Variants in NMT2 observed in about 807,000 individuals in gnomAD.
NMT2 encodes glycylpeptide N-tetradecanoyltransferase 2.
Under a neutral mutation model 65.4 loss-of-function variants are expected in NMT2, and 35 were observed. The observed-to-expected ratio is 0.54, with a 90% CI of 0.41 to 0.71. The LOEUF (loss-of-function observed/expected upper bound fraction) is 0.71, where lower values mean the gene tolerates loss of function less well. Among genes scored for constraint, NMT2 ranks in the 30% least tolerant of loss-of-function variants. The pLI is 0.00. For synonymous variants in NMT2, 226 were observed against 231.8 expected, an observed-to-expected ratio of 0.98 and a Z score of 0.23; for missense variants, 489 against 611.3, an observed-to-expected ratio of 0.80 and a Z score of 2.11.
chr10:15,112,511 G>A (rs1056526308), intron 10 of NMT2, among the ~76,000 whole-genome samples: 3 of 151,528 alleles, frequency 2.0e-5, no homozygotes, highest in African/African-American at 7.3e-5. Context: ...TTACAAGCCT[G>A]AGCCACCATG....
At chr10:15,116,683 AAAAC>A (rs1203465616) in intron 9 of NMT2, among the ~76,000 whole-genome samples, 1 of 152,230 alleles carries the variant, frequency 6.6e-6, no homozygotes, top group African/African-American at 2.4e-5. Context: ...AATATGGACA[AAAAC>A]AAAGAAAGAG....
intron 2 of NMT2, among the ~76,000 whole-genome samples, chr10:15,140,162 C>T (rs943330920): frequency 6.6e-6 from 1 of 151,874 alleles, no homozygotes; most frequent in South Asian, 2.1e-4. Flanking sequence ...TGGTCTCTGT[C>T]GCCAGGCTGC....
At chr10:15,133,191 T>A in intron 4 of NMT2, 47 bp from the exon 5 acceptor site, 1 of 1,600,418 alleles carries the variant, frequency 6.2e-7, no homozygotes, top group South Asian at 1.1e-5. Flanking sequence ...AGAATCAACT[T>A]AGAAGCAATG....
chr10:15,113,463 C>CAAAAAAAAAAAAAAAAAAAA lies in NMT2; in HGVS notation c.1171-520_1171-501dup, dbSNP rs1169255963. Among the ~76,000 whole-genome samples the CAAAAAAAAAAAAAAAAAAAA allele has an allele frequency of 3.0e-4, 11 of 37,002 alleles. 2 individuals carry two copies. The highest frequency in any genetic ancestry group is 9.2e-4 in the African/African-American group (10 of 10,832). 24.3% of individuals were successfully genotyped at this position (37,002 alleles called of 152,430 possible). ...CCAGCCTGGGCGACAGGATGAGACT[C>CAAAAAAAAAAAAAAAAAAAA]AAAAAAAAAAAAAAAAAAAAAAAAA... On this transcript the variant is annotated intron_variant, in intron 9 of 11. Transcript: ENST00000378165.
chr10:15,129,683 A>G (rs1490459023), intron 7 of NMT2, among the ~76,000 whole-genome samples: 1 of 152,092 alleles, frequency 6.6e-6, no homozygotes, highest in African/African-American at 2.4e-5. Flanking sequence ...TTAGAAGTAT[A>G]GATCCACACG....
chr10:15,138,411 C>T, intron 2 of NMT2: 1 of 471,140 alleles, frequency 2.1e-6, no homozygotes, highest in Non-Finnish European at 4.4e-6. Flanking sequence ...TTTCTCATGC[C>T]TGTCCATTCA....
intron 1 of NMT2, among the ~76,000 whole-genome samples, chr10:15,156,669 C>T (rs1357884669): frequency 3.3e-5 from 5 of 152,116 alleles, no homozygotes; most frequent in South Asian, 2.1e-4. Flanking sequence ...GAGGTCGAGG[C>T]GGGAGGATCA....
chr10:15,163,690 G>T (rs909034506), intron 1 of NMT2, among the ~76,000 whole-genome samples: 1 of 152,202 alleles, frequency 6.6e-6, no homozygotes, highest in African/African-American at 2.4e-5. Context: ...TGACAAAGGG[G>T]AAGTTCCCAA....
intron 8 of NMT2, among the ~76,000 whole-genome samples, chr10:15,126,216 G>A (rs966411144): frequency 3.3e-5 from 5 of 151,010 alleles, no homozygotes; most frequent in African/African-American, 4.9e-5. Context: ...ATCACCTGAG[G>A]TCAGGAGTTC....
downstream of NMT2, among the ~76,000 whole-genome samples, chr10:15,105,748 T>C (rs1017931642): frequency 6.6e-6 from 1 of 152,238 alleles, no homozygotes; most frequent in Non-Finnish European, 1.5e-5. Context: ...AATGCAGTTT[T>C]AAATCTACAA....
chr10:15,124,851 C>T (rs1846028849), intron 8 of NMT2, among the ~76,000 whole-genome samples: 1 of 152,170 alleles, frequency 6.6e-6, no homozygotes, highest in Admixed American at 6.5e-5. Context: ...CTTTATTTTC[C>T]TTTCCTTTCC....
chr10:15,131,444 C>G (rs144533644), intron 6 of NMT2, among the ~76,000 whole-genome samples: 3 of 152,098 alleles, frequency 2.0e-5, no homozygotes, highest in Non-Finnish European at 4.4e-5. Context: ...TCACTACGAC[C>G]TGCCCGTCTT....
In NMT2 at chr10:15,106,097, G is replaced by A. The variant is rs550569558; in HGVS notation, c.*3098C>T. The A allele has an allele frequency of 2.5e-4, 80 of 316,624 alleles. No homozygotes were observed. The highest frequency in any genetic ancestry group is 1.8e-3 in the African/African-American group (77 of 43,350). The allele number at this position is 316,624 out of a possible 1,614,324, so 19.6% of individuals were successfully genotyped here. A position where few individuals can be genotyped will look rare whatever the true frequency, so the allele number is the denominator to read the frequency against. On this transcript the variant is annotated 3_prime_UTR_variant, in exon 12 of 12. Coordinates refer to ENST00000378165, the MANE Select transcript of NMT2 (RefSeq NM_004808.3). ...GCAACCCCGCCTCCTGGGTTCAAGC[G>A]ATTCTCCTGCCTCAGCCTCCTGAAT...
intron 8 of NMT2, among the ~76,000 whole-genome samples, chr10:15,126,202 G>C (rs1009101857): frequency 6.6e-6 from 1 of 151,358 alleles, no homozygotes; most frequent in Non-Finnish European, 1.5e-5. Context: ...GCTGAGGCGG[G>C]TGGATCACCT....
intron 10 of NMT2, among the ~76,000 whole-genome samples, chr10:15,111,236 C>T (rs986598409): frequency 6.6e-6 from 1 of 151,280 alleles, no homozygotes; most frequent in Non-Finnish European, 1.5e-5. Context: ...GCAGGCCGGG[C>T]GTGGTGGCTC....
At chr10:15,141,012 C>G in intron 2 of NMT2, 1 of 1,550,972 alleles carries the variant, frequency 6.4e-7, no homozygotes, top group Non-Finnish European at 8.7e-7. Flanking sequence ...CTGAAATCTG[C>G]TGCCAGATGG....
At chr10:15,129,193 T>C (rs1846191852) in intron 7 of NMT2, among the ~76,000 whole-genome samples, 1 of 152,226 alleles carries the variant, frequency 6.6e-6, no homozygotes, top group African/African-American at 2.4e-5. Context: ...TTAAATTTCT[T>C]CAGTGATTCC....
intron 1 of NMT2, among the ~76,000 whole-genome samples, chr10:15,162,422 A>G (rs1449872459): frequency 6.6e-6 from 1 of 152,190 alleles, no homozygotes; most frequent in Non-Finnish European, 1.5e-5. Context: ...CCAGTATGAT[A>G]GCCACTAGTC....
At chr10:15,119,678 G>A (rs1589299506) in intron 8 of NMT2, among the ~76,000 whole-genome samples, 165 bp from the exon 9 acceptor site, 1 of 152,294 alleles carries the variant, frequency 6.6e-6, no homozygotes, top group East Asian at 1.9e-4. Flanking sequence ...ATCCGAATCT[G>A]CAACTCAACA....
Sources: allele counts gnomAD v4.1 joint callset (sites outside exome capture counted in the v4.1 genomes callset), GRCh38; gene constraint gnomAD v4.1.1; transcripts MANE v1.5; gene names NCBI Gene and HGNC (gene_info 2026-07-23, HGNC 2026-07-21).